Variants in EYS observed in about 807,000 individuals in gnomAD.
The protein encoded by EYS is EGF-like photoreceptor maintenance factor, also known as protein eyes shut homolog.
In EYS, 250 loss-of-function variants were observed where a neutral mutation model predicts 282.1. That is an observed-to-expected ratio of 0.89 (90% CI 0.80 to 0.98). EYS has a LOEUF of 0.98. EYS is among the 50% of genes least tolerant of loss of function. The pLI is 0.00. For synonymous variants in EYS, 1,355 were observed against 1,282.9 expected, an observed-to-expected ratio of 1.06 and a Z score of -1.20; for missense variants, 4,016 against 3,709.0, an observed-to-expected ratio of 1.08 and a Z score of -2.15.
At chr6:65,147,799 C>G (rs1254631196) in intron 12 of EYS, among the ~76,000 whole-genome samples, 3 of 152,084 alleles carry the variant, frequency 2.0e-5, no homozygotes, top group African/African-American at 4.8e-5. Flanking sequence ...ACCCACAGTT[C>G]CGCATGACTG....
chr6:64,667,114 C>G (rs1295759789), intron 22 of EYS, among the ~76,000 whole-genome samples: 1 of 151,098 alleles, frequency 6.6e-6, no homozygotes, highest in East Asian at 1.9e-4. Context: ...TTCCCTATAT[C>G]CTCACTCAGG....
intron 22 of EYS, among the ~76,000 whole-genome samples, chr6:64,677,316 C>A (rs1769723652): frequency 6.6e-6 from 1 of 152,028 alleles, no homozygotes; most frequent in African/African-American, 2.4e-5. Context: ...TTTAAAGGAG[C>A]TCTACTGGTT....
At chr6:64,436,136 C>T in intron 28 of EYS, 38 bp downstream of exon 28, 1 of 1,270,892 alleles carries the variant, frequency 7.9e-7, no homozygotes, top group East Asian at 2.6e-5. Context: ...GCCTTTGCTA[C>T]TTAATGAGAT....
rs1213070163 is a variant in EYS at position 64,948,939 on chromosome 6, T to C, written c.2260-3025A>G. On this transcript the variant is annotated intron_variant, in intron 14 of 42. Coordinates refer to ENST00000503581, the MANE Select transcript of EYS (RefSeq NM_001142800.2). ...AGTGAGAAAAAAATAAAGACAAAGC[T>C]GTCAAGTTTGATAGTTGTAAATGCA... Among the ~76,000 whole-genome samples the C allele has an allele frequency of 2.6e-5, 4 of 151,998 alleles. No individual in the cohort carries two copies. The East Asian group carries it at 7.8e-4, about 29-fold the overall frequency.
rs1263228028 is a variant in EYS at position 65,177,178 on chromosome 6, C to T, written c.2023+118685G>A. ...ACAAGACTATATTCAAAAATCTTTG[C>T]TGGCAACTAATTTGTCTGCCAAGAT... On this transcript the variant is annotated intron_variant, in intron 12 of 42. Coordinates refer to ENST00000503581, the MANE Select transcript of EYS (RefSeq NM_001142800.2). 2.0e-5 allele frequency among the ~76,000 whole-genome samples: 3 copies of T among 151,692 alleles called. No individual in the cohort carries two copies. In the South Asian group the frequency reaches 6.2e-4, roughly 31 times the overall value.
chr6:65,281,239 T>G (rs1409870402), intron 12 of EYS, among the ~76,000 whole-genome samples: 1 of 151,964 alleles, frequency 6.6e-6, no homozygotes, highest in Non-Finnish European at 1.5e-5. Flanking sequence ...TTTGAGTATA[T>G]TAATTTGATA....
At chr6:65,558,319 G>C (rs956196621) in intron 2 of EYS, among the ~76,000 whole-genome samples, 3 of 152,234 alleles carry the variant, frequency 2.0e-5, no homozygotes, top group African/African-American at 4.8e-5. Flanking sequence ...GTGCAGCCTT[G>C]AGTGTGTGCA....
chr6:65,294,504 T>C (rs1288989199), intron 12 of EYS, among the ~76,000 whole-genome samples: 3 of 151,896 alleles, frequency 2.0e-5, no homozygotes, highest in Non-Finnish European at 4.4e-5. Flanking sequence ...CAGTAATAAG[T>C]ATTATGTATA....
intron 12 of EYS, among the ~76,000 whole-genome samples, chr6:65,222,874 G>A (rs952634425): frequency 3.9e-5 from 6 of 152,076 alleles, no homozygotes; most frequent in African/African-American, 1.4e-4. Flanking sequence ...AACTAAAAAC[G>A]GTCAGTTTGT....
chr6:65,210,655 AT>A (rs1200359567), intron 12 of EYS, among the ~76,000 whole-genome samples: 1 of 151,986 alleles, frequency 6.6e-6, no homozygotes, highest in Admixed American at 6.6e-5. Context: ...ATAGTGTATT[AT>A]AGAGGAAAAC....
chr6:65,567,240 A>G (rs1764297491), intron 2 of EYS, among the ~76,000 whole-genome samples: 1 of 146,204 alleles, frequency 6.8e-6, no homozygotes, highest in Non-Finnish European at 1.5e-5. Flanking sequence ...AGAAATATAT[A>G]TGTGTATGAA....
At chr6:64,505,131 A>T (rs1254182809) in intron 26 of EYS, among the ~76,000 whole-genome samples, 1 of 152,200 alleles carries the variant, frequency 6.6e-6, no homozygotes, top group Non-Finnish European at 1.5e-5. Flanking sequence ...GGGTAGAGAT[A>T]CAGAATAATG....
At chr6:64,204,984 T>C (rs1359533385) in intron 31 of EYS, among the ~76,000 whole-genome samples, 4 of 152,140 alleles carry the variant, frequency 2.6e-5, no homozygotes, top group Non-Finnish European at 2.9e-5. Flanking sequence ...TGGGTAGATA[T>C]GTAATGAAAT....
chr6:64,678,297 G>T (rs1038245939), intron 22 of EYS, among the ~76,000 whole-genome samples: 2 of 152,216 alleles, frequency 1.3e-5, no homozygotes, highest in Non-Finnish European at 2.9e-5. Flanking sequence ...TTGAGAATAC[G>T]CCAGGTGCGG....
intron 11 of EYS, chr6:65,332,336 G>T (rs149720492): frequency 2.6e-6 from 2 of 756,732 alleles, no homozygotes; most frequent in Admixed American, 2.0e-5. Context: ...ATATTCTTAC[G>T]ATAAATCCCA....
At chr6:64,562,586 T>C (rs761137898) in intron 26 of EYS, among the ~76,000 whole-genome samples, 1 of 151,912 alleles carries the variant, frequency 6.6e-6, no homozygotes, top group African/African-American at 2.4e-5. Context: ...AAAGCAATTA[T>C]CCCATTTTTA....
chr6:63,993,550 AAAAC>A (rs1421363745), intron 34 of EYS, among the ~76,000 whole-genome samples: 1 of 151,868 alleles, frequency 6.6e-6, no homozygotes, highest in African/African-American at 2.4e-5. Context: ...CACAAATAAG[AAAAC>A]AATTTTATCT....
intron 12 of EYS, among the ~76,000 whole-genome samples, chr6:65,190,487 C>T (rs1315186157): frequency 4.6e-5 from 7 of 151,310 alleles, no homozygotes; most frequent in East Asian, 3.9e-4. Flanking sequence ...CCCTAAGTGC[C>T]GTACCTACTG....
intron 29 of EYS, among the ~76,000 whole-genome samples, chr6:64,332,196 C>A (rs770671531): frequency 6.6e-6 from 1 of 152,154 alleles, no homozygotes; most frequent in African/African-American, 2.4e-5. Flanking sequence ...TGGTCCTTCT[C>A]CATGTCAGGT....
Sources: gnomAD v4.1 joint callset for allele counts (sites outside exome capture counted in the v4.1 genomes callset) on GRCh38, gnomAD v4.1.1 for gene constraint, MANE v1.5 for transcripts, NCBI Gene and HGNC (gene_info 2026-07-23, HGNC 2026-07-21) for gene names.